GPATCH2: variants seen among roughly 807,000 people sequenced by gnomAD.
GPATCH2 encodes G-patch domain containing 2.
Under a neutral mutation model 58.0 loss-of-function variants are expected in GPATCH2, and 51 were observed. That is an observed-to-expected ratio of 0.88 (90% CI 0.70 to 1.11). The LOEUF (loss-of-function observed/expected upper bound fraction) is 1.11, where lower values mean the gene tolerates loss of function less well. Ranked by LOEUF, GPATCH2 falls within the 50% of genes most tolerant of loss-of-function variation. The pLI, the probability that GPATCH2 is intolerant of heterozygous loss-of-function variation, is 0.00. For missense variants in GPATCH2, 625 were observed against 652.2 expected (o/e 0.96, Z 0.45); for synonymous variants, 222 against 218.5 (o/e 1.02, Z -0.14).
At chr1:217,585,295 A>G (rs2102753344) in intron 5 of GPATCH2, among the ~76,000 whole-genome samples, 1 of 152,178 alleles carries the variant, frequency 6.6e-6, no homozygotes, top group African/African-American at 2.4e-5. Flanking sequence ...ATATTCTAAT[A>G]TTAATTGGTA....
At chr1:217,618,443 G>A (rs1043958542) in intron 2 of GPATCH2, among the ~76,000 whole-genome samples, 2 of 151,782 alleles carry the variant, frequency 1.3e-5, no homozygotes, top group African/African-American at 4.8e-5. Flanking sequence ...CCTGACCTCA[G>A]GTGATCCACC....
intron 2 of GPATCH2, among the ~76,000 whole-genome samples, chr1:217,618,398 G>C (rs540016938): frequency 4.6e-5 from 7 of 151,828 alleles, no homozygotes; most frequent in African/African-American, 1.7e-4. Context: ...GCTAGAGACG[G>C]GGTTTCACCA....
At chr1:217,585,187 C>CT (rs966815965) in intron 5 of GPATCH2, among the ~76,000 whole-genome samples, 3 of 150,862 alleles carry the variant, frequency 2.0e-5, no homozygotes, top group Admixed American at 6.6e-5. Flanking sequence ...CTACAATTTG[C>CT]TTTTTTTTTC....
chr1:217,468,214 C>A (rs893104655), intron 8 of GPATCH2, among the ~76,000 whole-genome samples: 1 of 152,084 alleles, frequency 6.6e-6, no homozygotes, highest in Non-Finnish European at 1.5e-5. Context: ...TATTTTGCAA[C>A]CCTTAGTGAA....
intron 2 of GPATCH2, among the ~76,000 whole-genome samples, chr1:217,615,987 T>C (rs1194937527): frequency 1.3e-5 from 2 of 152,144 alleles, no homozygotes; most frequent in Non-Finnish European, 2.9e-5. Flanking sequence ...AAAAGTAATG[T>C]GATATTCTGA....
chr1:217,516,339 C>G (rs1663151430), intron 5 of GPATCH2, among the ~76,000 whole-genome samples: 1 of 152,112 alleles, frequency 6.6e-6, no homozygotes, highest in Non-Finnish European at 1.5e-5. Context: ...TTTTCAAAAC[C>G]TTACTTCTTC....
chr1:217,484,325 C>G (rs1317976643), intron 8 of GPATCH2, among the ~76,000 whole-genome samples: 2 of 151,980 alleles, frequency 1.3e-5, no homozygotes, highest in Non-Finnish European at 2.9e-5. Context: ...CAGTTTCCTG[C>G]TTTTGGATTG....
At chr1:217,492,047 A>G (rs1280250445) in intron 7 of GPATCH2, among the ~76,000 whole-genome samples, 1 of 152,092 alleles carries the variant, frequency 6.6e-6, no homozygotes, top group Non-Finnish European at 1.5e-5. Context: ...CTGCCCTCTT[A>G]GTCAGTTAAG....
chr1:217,449,255 T>C lies in GPATCH2; in HGVS notation c.1360A>G (p.Thr454Ala). The change falls in exon 9 of 10, where the codon ACT becomes GCT. Residue 454 changes from threonine to alanine, a missense_variant. Physicochemically the swap from Thr to Ala is moderately conservative, Grantham distance 58. Transcript: ENST00000366935. ...RKAAPLPGPT[T>A]AGFVGENAQP... The stretch of plus-strand genomic sequence containing the variant: ...AACCCTGCTTTTGTTTTACCTGCAG[T>C]AGTAGGTCCAGGCAAAGGTGCAGCT... 1 of 1,567,778 alleles carries C rather than the reference T, an allele frequency of 6.4e-7. No individual in the cohort carries two copies. Among genetic ancestry groups the C allele is most frequent in the Non-Finnish European group, 8.8e-7 (1 of 1,138,942 alleles).
chr1:217,498,502 C>G, intron 6 of GPATCH2, 107 bp from the exon 7 acceptor site: 1 of 792,586 alleles, frequency 1.3e-6, no homozygotes, highest in South Asian at 1.4e-5. Context: ...GCAACACAGC[C>G]TTAAATATGC....
intron 5 of GPATCH2, among the ~76,000 whole-genome samples, chr1:217,524,390 C>T (rs2102605577): frequency 6.7e-6 from 1 of 149,208 alleles, no homozygotes; most frequent in South Asian, 2.1e-4. Flanking sequence ...AGCAGCCAGG[C>T]AGAGGGGCTC....
chr1:217,432,302 T>C (rs1658578280), intron 9 of GPATCH2, among the ~76,000 whole-genome samples: 1 of 149,136 alleles, frequency 6.7e-6, no homozygotes, highest in Non-Finnish European at 1.5e-5. Context: ...ATTTTCTCTT[T>C]GATGACATTT....
intron 5 of GPATCH2, among the ~76,000 whole-genome samples, chr1:217,571,873 C>A (rs1412893785): frequency 6.6e-6 from 1 of 151,164 alleles, no homozygotes; most frequent in African/African-American, 2.4e-5. Context: ...TGCACTCCAG[C>A]CTGGGCCACA....
intron 5 of GPATCH2, among the ~76,000 whole-genome samples, chr1:217,562,513 G>C (rs1292121720): frequency 6.6e-6 from 1 of 152,158 alleles, no homozygotes; most frequent in Non-Finnish European, 1.5e-5. Context: ...ATGGGGCTTG[G>C]TTTTAAGGAT....
chr1:217,618,290 A>G (rs1487072977), intron 2 of GPATCH2, among the ~76,000 whole-genome samples: 2 of 148,288 alleles, frequency 1.3e-5, no homozygotes. Flanking sequence ...GATGTCTGTA[A>G]TCTCCGCCTC....
chr1:217,505,310 A>G (rs1439224192), intron 6 of GPATCH2, among the ~76,000 whole-genome samples: 1 of 152,206 alleles, frequency 6.6e-6, no homozygotes, highest in Non-Finnish European at 1.5e-5. Context: ...AGCCCTCAGT[A>G]CAGTGCTCTT....
intron 5 of GPATCH2, among the ~76,000 whole-genome samples, chr1:217,603,825 G>A (rs904115531): frequency 6.6e-6 from 1 of 151,856 alleles, no homozygotes; most frequent in Non-Finnish European, 1.5e-5. Context: ...GCTTCACCAT[G>A]TTGGCCAGGC....
At chr1:217,455,514 G>A (rs1002329549) in intron 8 of GPATCH2, among the ~76,000 whole-genome samples, 1 of 152,154 alleles carries the variant, frequency 6.6e-6, no homozygotes, top group Non-Finnish European at 1.5e-5. Flanking sequence ...GATCTGTCCT[G>A]TTAGTGCCTC....
At chr1:217,488,774 G>T (rs1188345599) in intron 8 of GPATCH2, among the ~76,000 whole-genome samples, 1 of 151,778 alleles carries the variant, frequency 6.6e-6, no homozygotes, top group East Asian at 1.9e-4. Flanking sequence ...TCACTGTAAG[G>T]TCCAACTCCT....
Sources: allele counts gnomAD v4.1 joint callset (sites outside exome capture counted in the v4.1 genomes callset), GRCh38; gene constraint gnomAD v4.1.1; transcripts MANE v1.5; gene names NCBI Gene and HGNC (gene_info 2026-07-23, HGNC 2026-07-21).